CCNB1IP1: variants seen among roughly 807,000 people sequenced by gnomAD.
The protein encoded by CCNB1IP1 is E3 ubiquitin-protein ligase CCNB1IP1.
CCNB1IP1 carries 14 observed loss-of-function variants against 25.6 expected under a neutral mutation model. That is an observed-to-expected ratio of 0.55 (90% CI 0.36 to 0.85). The LOEUF (loss-of-function observed/expected upper bound fraction) is 0.85, where lower values mean the gene tolerates loss of function less well. Among genes scored for constraint, CCNB1IP1 ranks in the 40% least tolerant of loss-of-function variants. The pLI is 0.01. For synonymous variants in CCNB1IP1, 119 were observed against 116.1 expected (o/e 1.02, Z -0.16); for missense variants, 278 against 342.4 (o/e 0.81, Z 1.48).
intron 6 of CCNB1IP1, among the ~76,000 whole-genome samples, chr14:20,312,272 A>G (rs1882519730): frequency 6.6e-6 from 1 of 152,206 alleles, no homozygotes; most frequent in South Asian, 2.1e-4. Flanking sequence ...ATTTACAGTA[A>G]CTCTGATTGA....
intron 2 of CCNB1IP1, among the ~76,000 whole-genome samples, chr14:20,328,862 T>TA (rs1156918775): frequency 6.6e-6 from 1 of 152,248 alleles, no homozygotes; most frequent in Non-Finnish European, 1.5e-5. Context: ...GGACATTTCG[T>TA]ATTTACTAAG....
chr14:20,332,026 A>ATTTTTTTTTTTTTT (rs57345952), intron 1 of CCNB1IP1, among the ~76,000 whole-genome samples: 3 of 40,742 alleles, frequency 7.4e-5, no homozygotes, highest in Non-Finnish European at 1.3e-4. Context: ...ATATATATAT[A>ATTTTTTTTTTTTTT]TTTTTTTTTT....
rs751937114 is a variant in CCNB1IP1, at chr14:20,326,811, CAT to C, written c.-230-20_-230-19del. 29 of 260,256 alleles carry C rather than the reference CAT, an allele frequency of 1.1e-4. 1 individual carries two copies. The highest frequency in any genetic ancestry group is 2.2e-4 in the Non-Finnish European group (28 of 129,830). 16.1% of individuals were successfully genotyped at this position (260,256 alleles called of 1,614,324 possible). On this transcript the variant is annotated intron_variant, in intron 2 of 6. Coordinates refer to ENST00000358932, the MANE Select transcript of CCNB1IP1 (RefSeq NM_021178.5). ...GATCATTTCTGGAAAATTTAAAAAA[CAT>C]AAATAAATTCACAAAGGTTATGATT...
At chr14:20,322,374 T>C (rs1429062725) in intron 4 of CCNB1IP1, among the ~76,000 whole-genome samples, 1 of 152,176 alleles carries the variant, frequency 6.6e-6, no homozygotes, top group Admixed American at 6.5e-5. Context: ...AAGTATTTTT[T>C]TGGTATCTCT....
chr14:20,332,963 G>A (rs1420027274), intron 1 of CCNB1IP1: 1 of 152,126 alleles, frequency 6.6e-6, no homozygotes, highest in African/African-American at 2.4e-5. Context: ...AAATGAAGCC[G>A]GCGTTTTCCA....
chr14:20,313,780 G>C lies in CCNB1IP1; in HGVS notation c.319C>G (p.Gln107Glu), dbSNP rs771620717. 6.3e-7 allele frequency: 1 copy of C among 1,583,480 alleles called. No homozygotes were observed. The highest frequency in any genetic ancestry group is 2.2e-5 in the East Asian group (1 of 44,550). ...TCAGCCTTGCTGAAATTGTATTCTT[G>C]ATAGAGACGTTCCTGATGTACCTGG... The part of the protein sequence containing the change: ...TYQVHQERLY[Q>E]EYNFSKAEGH... The change falls in exon 6 of 7, where the codon CAA (glutamine) becomes GAA (glutamate). Residue 107 changes from glutamine (Q) to glutamate (E), a missense_variant. Coordinates refer to ENST00000358932, the MANE Select transcript of CCNB1IP1 (RefSeq NM_021178.5).
chr14:20,330,850 G>A (rs1035256022), intron 1 of CCNB1IP1: 3 of 152,142 alleles, frequency 2.0e-5, no homozygotes, highest in Non-Finnish European at 4.4e-5. Flanking sequence ...AAAGTGTTGG[G>A]GTTACAGGCG....
intron 4 of CCNB1IP1, among the ~76,000 whole-genome samples, chr14:20,322,284 G>A (rs1882917627): frequency 6.6e-6 from 1 of 152,076 alleles, no homozygotes; most frequent in African/African-American, 2.4e-5. Context: ...TTGTCAATCA[G>A]GGCTTCCCCC....
At position 20,313,463 on chromosome 14, in the gene CCNB1IP1, C is replaced by T; in HGVS notation, c.631+5G>A. The T allele has an allele frequency of 1.5e-5, 24 of 1,567,480 alleles. No individual in the cohort carries two copies. Among genetic ancestry groups the T allele is most frequent in the Non-Finnish European group, 2.1e-5 (24 of 1,156,700 alleles). On this transcript the variant is annotated splice_donor_5th_base_variant and intron_variant, in intron 6 of 6. Transcript: ENST00000358932. ...AACAGACACTTGATACATGTCCTTT[C>T]TTACCTAATGGGAAGCCAAGAACAC... is the stretch of plus-strand genomic sequence containing the variant.
At chr14:20,332,026 A>ATATT (rs59034398) in intron 1 of CCNB1IP1, among the ~76,000 whole-genome samples, 4 of 40,740 alleles carry the variant, frequency 9.8e-5, no homozygotes, top group Admixed American at 4.5e-4. Flanking sequence ...ATATATATAT[A>ATATT]TTTTTTTTTT....
At chr14:20,315,731 A>C (rs1359260133) in intron 5 of CCNB1IP1, 6 of 1,195,784 alleles carry the variant, frequency 5.0e-6, no homozygotes, top group Non-Finnish European at 6.5e-6. Flanking sequence ...AACCATTAAA[A>C]TATGATTATA....
rs1460972671 is a variant in CCNB1IP1 at position 20,313,698 on chromosome 14, A to G, written c.401T>C (p.Val134Ala). Residue 134 changes from valine to alanine, a missense_variant, in exon 6 of 7, where the codon GTA (valine) becomes GCA (alanine). Transcript: ENST00000358932. ...CTCCCCTTTCATAGAGGTCAATTCTACATCCTTGCTTTGTATTTGCTGAGT... is the reference window on the plus strand; with the variant it reads ...CTCCCCTTTCATAGAGGTCAATTCTGCATCCTTGCTTTGTATTTGCTGAGT... ...IYTQQIQSKD[V>A]ELTSMKGEVT... is the part of the protein sequence containing the mutation. 3 of 1,614,162 alleles carry G rather than the reference A, an allele frequency of 1.9e-6. No individual in the cohort carries two copies. In the African/African-American group the frequency reaches 4.0e-5, roughly 22 times the overall value.
intron 4 of CCNB1IP1, chr14:20,318,433 A>T (rs927196627): frequency 1.3e-5 from 2 of 151,532 alleles, no homozygotes; most frequent in African/African-American, 2.4e-5. Context: ...AGATCGCACC[A>T]TTGCACTCCA....
intron 4 of CCNB1IP1, among the ~76,000 whole-genome samples, chr14:20,317,363 G>C (rs1025956000): frequency 6.6e-6 from 1 of 151,828 alleles, no homozygotes; most frequent in African/African-American, 2.4e-5. Context: ...CCGGGATCGC[G>C]CCATTGCACT....
In CCNB1IP1 at chr14:20,311,754, T is replaced by C. The variant is rs776407018; in HGVS notation, c.632-2A>G. ...CCAAAGGAAACTTGGAGTTGTTACC[T>C]AGGGCAGAAAAAAAGGAAAAACATA... On this transcript the variant is annotated splice_acceptor_variant, in intron 6 of 6. Coordinates refer to ENST00000358932, the MANE Select transcript of CCNB1IP1 (RefSeq NM_021178.5). LOFTEE classifies it high-confidence loss of function. 1 of 1,610,932 alleles carries C rather than the reference T, an allele frequency of 6.2e-7. No individual in the cohort carries two copies. Among genetic ancestry groups the C allele is most frequent in the East Asian group, 2.2e-5 (1 of 44,878 alleles).
chr14:20,322,449 G>A (rs888271161), intron 4 of CCNB1IP1, among the ~76,000 whole-genome samples: 5 of 151,994 alleles, frequency 3.3e-5, no homozygotes, highest in African/African-American at 9.7e-5. Context: ...TCTACCAAAG[G>A]ATCTAAGAAT....
chr14:20,332,008 A>ATATATATATATATGATGTG (rs1555314517), intron 1 of CCNB1IP1, among the ~76,000 whole-genome samples: 16 of 65,916 alleles, frequency 2.4e-4, no homozygotes, highest in African/African-American at 1.2e-3. Context: ...GTGTATACAT[A>ATATATATATATATGATGTG]TATATATATA....
intron 4 of CCNB1IP1, among the ~76,000 whole-genome samples, chr14:20,321,704 G>A (rs746733314): frequency 4.6e-5 from 7 of 151,988 alleles, no homozygotes; most frequent in South Asian, 2.1e-4. Context: ...TACCCTGCTC[G>A]GCCTTCTGAA....
At chr14:20,332,433 C>T (rs574769729) in intron 1 of CCNB1IP1, among the ~76,000 whole-genome samples, 10 of 152,250 alleles carry the variant, frequency 6.6e-5, no homozygotes, top group African/African-American at 2.2e-4. Context: ...ATCCAAAATA[C>T]TTGCTGTAAA....
Sources: gnomAD v4.1 joint callset for allele counts (sites outside exome capture counted in the v4.1 genomes callset) on GRCh38, gnomAD v4.1.1 for gene constraint, MANE v1.5 for transcripts, NCBI Gene and HGNC (gene_info 2026-07-23, HGNC 2026-07-21) for gene names.